The following SCEL variants were observed in gnomAD, a reference collection of about 807,000 sequenced individuals.
SCEL encodes sciellin.
Under a neutral mutation model 117.6 loss-of-function variants are expected in SCEL, and 113 were observed. The observed-to-expected ratio is 0.96, with a 90% CI of 0.83 to 1.12. The LOEUF (loss-of-function observed/expected upper bound fraction) is 1.12, where lower values mean the gene tolerates loss of function less well. Ranked by LOEUF, SCEL falls within the 50% of genes most tolerant of loss-of-function variation. The pLI is 0.00. For missense variants in SCEL, 785 were observed against 810.8 expected, an observed-to-expected ratio of 0.97 and a Z score of 0.39; for synonymous variants, 270 against 256.2, an observed-to-expected ratio of 1.05 and a Z score of -0.51.
intron 8 of SCEL, among the ~76,000 whole-genome samples, chr13:77,571,666 GCAA>G (rs2085635549): frequency 6.6e-6 from 1 of 150,648 alleles, no homozygotes. Flanking sequence ...TCCGGCCTGG[GCAA>G]CAAGAGCGAA....
chr13:77,599,168 TA>T (rs1434209436), intron 13 of SCEL, among the ~76,000 whole-genome samples, 160 bp from the exon 14 acceptor site: 1 of 152,230 alleles, frequency 6.6e-6, no homozygotes, highest in Non-Finnish European at 1.5e-5. Context: ...CACTGCAATT[TA>T]AAATTTGAGT....
chr13:77,595,988 G>C lies in SCEL; in HGVS notation c.753-1557G>C, dbSNP rs1423519015. Among the ~76,000 whole-genome samples, 8 of 152,154 alleles carry C rather than the reference G, an allele frequency of 5.3e-5. No individual in the cohort carries two copies. In the East Asian group the frequency reaches 1.2e-3, roughly 22 times the overall value. On this transcript the variant is annotated intron_variant, in intron 12 of 32. Coordinates refer to ENST00000349847, the MANE Select transcript of SCEL (RefSeq NM_144777.3). ...TTAGCAATTGCATCTCTCTCTAAAGGCTAAGTCGAAGTCTTGGTGTTTCTA... is the reference window on the plus strand; with the variant it reads ...TTAGCAATTGCATCTCTCTCTAAAGCCTAAGTCGAAGTCTTGGTGTTTCTA...
At chr13:77,585,838 C>T (rs1052231330) in intron 9 of SCEL, among the ~76,000 whole-genome samples, 1 of 152,118 alleles carries the variant, frequency 6.6e-6, no homozygotes, top group Non-Finnish European at 1.5e-5. Flanking sequence ...CACTCTTCAG[C>T]CTCCCCTCTG....
In SCEL at chr13:77,593,510, G is replaced by A. The variant is rs778296300; in HGVS notation, c.693-4G>A. 1.9e-6 allele frequency: 3 copies of A among 1,609,554 alleles called. No homozygotes were observed. The highest frequency in any genetic ancestry group is 2.2e-5 in the South Asian group (2 of 90,766). Reference sequence around the variant, plus strand: ...GACCTGTATTTATTTTTCATTGTTTGAAGGAGTCAGGATCTTGATAACATC... The same window carrying A: ...GACCTGTATTTATTTTTCATTGTTTAAAGGAGTCAGGATCTTGATAACATC... On this transcript the variant is annotated splice_region_variant and splice_polypyrimidine_tract_variant and intron_variant, in intron 11 of 32. Coordinates refer to ENST00000349847, the MANE Select transcript of SCEL (RefSeq NM_144777.3).
intron 6 of SCEL, among the ~76,000 whole-genome samples, 185 bp downstream of exon 6, chr13:77,567,933 C>A (rs2085378677): frequency 6.6e-6 from 1 of 152,218 alleles, no homozygotes; most frequent in Non-Finnish European, 1.5e-5. Context: ...GCACTTGTAG[C>A]TCCAAATCAC....
Position 77,597,537 on chromosome 13 carries a change from T to C in SCEL, c.753-8T>C. ...ACTAATGTTAAACATTTTTTTCTCT[T>C]CCCAAAGTGAAGAATTGGATAATCT... On this transcript the variant is annotated splice_polypyrimidine_tract_variant and splice_region_variant and intron_variant, in intron 12 of 32. Coordinates refer to ENST00000349847, the MANE Select transcript of SCEL (RefSeq NM_144777.3). 1 of 1,484,488 alleles carries C rather than the reference T, an allele frequency of 6.7e-7. No individual in the cohort carries two copies. The allele number at this position is 1,484,488 out of a possible 1,614,324, so 92.0% of individuals were successfully genotyped here.
chr13:77,549,270 G>A (rs891494821), intron 1 of SCEL, among the ~76,000 whole-genome samples: 2 of 152,104 alleles, frequency 1.3e-5, no homozygotes, highest in Non-Finnish European at 2.9e-5. Context: ...AAGTAAGATG[G>A]TATCTCATTT....
chr13:77,583,534 G>A (rs2086384303), intron 9 of SCEL, among the ~76,000 whole-genome samples: 1 of 152,124 alleles, frequency 6.6e-6, no homozygotes, highest in Non-Finnish European at 1.5e-5. Flanking sequence ...ATTATGAATG[G>A]GGCAGTTGTG....
intron 28 of SCEL, among the ~76,000 whole-genome samples, chr13:77,632,300 A>G (rs867509740): frequency 6.6e-6 from 1 of 152,230 alleles, no homozygotes; most frequent in South Asian, 2.1e-4. Flanking sequence ...GTGCAAATGC[A>G]TTTCAAACTC....
intron 1 of SCEL, among the ~76,000 whole-genome samples, chr13:77,553,869 TA>T (rs2084495661): frequency 1.3e-5 from 2 of 152,132 alleles, no homozygotes; most frequent in African/African-American, 4.8e-5. Context: ...CCTGAGCTAA[TA>T]ACATACCTAA....
chr13:77,634,426 A>ATT lies in SCEL; in HGVS notation c.1739_1740insTT (p.Thr581SerfsTer51). 6.2e-7 allele frequency: 1 copy of ATT among 1,613,086 alleles called. No homozygotes were observed. The highest frequency in any genetic ancestry group is 2.2e-5 in the East Asian group (1 of 44,786). The stretch of plus-strand genomic sequence containing the variant: ...GCAGGACCACAGGATACTGTTGTGT[A>ATT]CACAAGGACATATGTGGAGAATAGG... On this transcript the variant is annotated frameshift_variant, in exon 29 of 33. Transcript: ENST00000349847. LOFTEE classifies it high-confidence loss of function.
chr13:77,589,017 A>G (rs2086717317), intron 9 of SCEL, 127 bp from the exon 10 acceptor site: 2 of 672,470 alleles, frequency 3.0e-6, no homozygotes, highest in Admixed American at 5.3e-5. Context: ...CCTTTCAGGT[A>G]CCTCACACAT....
intron 10 of SCEL, among the ~76,000 whole-genome samples, chr13:77,589,617 T>C (rs1886037): frequency 0.66 from 99,671 of 152,034 alleles, 33,104 homozygotes; most frequent in South Asian, 0.73. Flanking sequence ...TGTTCCAAGT[T>C]AAGTTTCCCA....
At chr13:77,559,730 T>C (rs2084866330) in intron 3 of SCEL, 74 bp from the exon 4 acceptor site, 1 of 1,344,718 alleles carries the variant, frequency 7.4e-7, no homozygotes, top group African/African-American at 1.5e-5. Flanking sequence ...CTCGCCCGCA[T>C]GTCTCTCTCA....
rs1426521717 is a variant in SCEL at position 77,610,092 on chromosome 13, C to G, written c.1323C>G (p.Asn441Lys). 1 of 1,608,718 alleles carries G rather than the reference C, an allele frequency of 6.2e-7. No homozygotes were observed. The highest frequency in any genetic ancestry group is 2.2e-5 in the East Asian group (1 of 44,584). The change falls in exon 22 of 33, where the codon AAC becomes AAG. Residue 441 changes from asparagine to lysine, a missense_variant. Asn to Lys is a moderately conservative substitution (Grantham distance 94). Coordinates refer to ENST00000349847, the MANE Select transcript of SCEL (RefSeq NM_144777.3). ...TCATTAAAGTGACTCCTGAAAGAAA[C>G]AGAACTAACCAAGGGTAAGGTTTAT... ...DSLIKVTPER[N>K]RTNQGNQDLE...
intron 1 of SCEL, among the ~76,000 whole-genome samples, chr13:77,545,952 C>A (rs2083963699): frequency 6.6e-6 from 1 of 152,244 alleles, no homozygotes; most frequent in South Asian, 2.1e-4. Context: ...CCTTATGAAA[C>A]TATTATCACC....
chr13:77,539,181 C>G (rs547861437), intron 1 of SCEL, among the ~76,000 whole-genome samples: 1 of 152,018 alleles, frequency 6.6e-6, no homozygotes, highest in South Asian at 2.1e-4. Context: ...ATGAGTATGC[C>G]TAACTCACAG....
At chr13:77,548,675 G>T (rs1358055823) in intron 1 of SCEL, among the ~76,000 whole-genome samples, 2 of 152,166 alleles carry the variant, frequency 1.3e-5, no homozygotes, top group South Asian at 2.1e-4. Flanking sequence ...TGGAGGCACG[G>T]TTTTTTTCCA....
intron 5 of SCEL, among the ~76,000 whole-genome samples, chr13:77,564,421 G>T (rs557610375): frequency 9.2e-5 from 14 of 152,214 alleles, no homozygotes; most frequent in African/African-American, 2.6e-4. Context: ...CTGATAGAAT[G>T]AGTCCAACGT....
Sources: allele counts gnomAD v4.1 joint callset (sites outside exome capture counted in the v4.1 genomes callset), GRCh38; gene constraint gnomAD v4.1.1; transcripts MANE v1.5; gene names NCBI Gene and HGNC (gene_info 2026-07-23, HGNC 2026-07-21).